Variants in LINGO2 observed in about 807,000 individuals in gnomAD.
LINGO2 encodes the protein leucine-rich repeat and immunoglobulin-like domain-containing nogo receptor-interacting protein 2.
LINGO2 carries 14 observed loss-of-function variants against 30.6 expected under a neutral mutation model. The observed-to-expected ratio is 0.46, with a 90% CI of 0.30 to 0.72. The LOEUF (loss-of-function observed/expected upper bound fraction) is 0.72. Among genes scored for constraint, LINGO2 ranks in the 30% least tolerant of loss-of-function variants. LINGO2 has a pLI of 0.07. For missense variants in LINGO2, 729 were observed against 751.7 expected (o/e 0.97, Z 0.35); for synonymous variants, 317 against 288.5 (o/e 1.10, Z -1.00).
chr9:28,951,878 G>A, the LINGO2 span, among the ~76,000 whole-genome samples: 18 of 152,148 alleles, frequency 1.2e-4, no homozygotes, highest in Admixed American at 1.0e-3. Context: ...CAACAAGTAT[G>A]GGACAAAGGA....
intron 5 of LINGO2, among the ~76,000 whole-genome samples, chr9:28,010,012 C>T (rs887992692): frequency 2.0e-5 from 3 of 152,038 alleles, no homozygotes; most frequent in Admixed American, 6.6e-5. Flanking sequence ...ATGTGTTATC[C>T]GTATCTATGC....
chr9:28,816,309 C>A, the LINGO2 span, among the ~76,000 whole-genome samples: 8 of 152,310 alleles, frequency 5.3e-5, no homozygotes, highest in South Asian at 6.2e-4. Flanking sequence ...TTTCTCTGAG[C>A]AATTTTGCCA....
the LINGO2 span, among the ~76,000 whole-genome samples, chr9:28,937,013 A>C: frequency 1.3e-5 from 2 of 152,118 alleles, no homozygotes; most frequent in Non-Finnish European, 2.9e-5. Flanking sequence ...GGACACCAGC[A>C]GTATTGGATT....
intron 2 of LINGO2, among the ~76,000 whole-genome samples, chr9:28,430,431 T>C (rs1007533955): frequency 2.6e-5 from 4 of 152,172 alleles, no homozygotes; most frequent in African/African-American, 4.8e-5. Flanking sequence ...ATTGACAAAA[T>C]ACACCATACT....
At chr9:28,853,186 G>T in the LINGO2 span, among the ~76,000 whole-genome samples, 1 of 152,024 alleles carries the variant, frequency 6.6e-6, no homozygotes, top group Non-Finnish European at 1.5e-5. Flanking sequence ...TTGTGCATTG[G>T]ATAATGCAGA....
chr9:28,933,208 A>G, the LINGO2 span, among the ~76,000 whole-genome samples: 2 of 152,108 alleles, frequency 1.3e-5, no homozygotes, highest in African/African-American at 4.8e-5. Flanking sequence ...TGCCCAGCCT[A>G]CTTATCTCAT....
chr9:28,561,596 TATA>T (rs577864267), intron 1 of LINGO2, among the ~76,000 whole-genome samples: 35 of 132,982 alleles, frequency 2.6e-4, no homozygotes, highest in Middle Eastern at 4.2e-3. Flanking sequence ...ATATATTATA[TATA>T]AATGTATTAT....
At chr9:28,687,271 CT>C in the LINGO2 span, among the ~76,000 whole-genome samples, 1 of 152,014 alleles carries the variant, frequency 6.6e-6, no homozygotes, top group Admixed American at 6.5e-5. Flanking sequence ...TCTTGATATT[CT>C]TGAATATAGT....
At chr9:28,855,041 A>C in the LINGO2 span, among the ~76,000 whole-genome samples, 1 of 152,130 alleles carries the variant, frequency 6.6e-6, no homozygotes, top group East Asian at 1.9e-4. Flanking sequence ...GAATGATATA[A>C]ACCCACCTTT....
chr9:28,982,642 A>C, the LINGO2 span, among the ~76,000 whole-genome samples: 5 of 152,064 alleles, frequency 3.3e-5, no homozygotes, highest in African/African-American at 7.2e-5. Context: ...AAATTTTTCT[A>C]AAGCTTTCAC....
chr9:28,525,968 A>C (rs1821012577), intron 1 of LINGO2, among the ~76,000 whole-genome samples: 1 of 146,706 alleles, frequency 6.8e-6, no homozygotes, highest in Non-Finnish European at 1.5e-5. Context: ...AGGCAGAAGA[A>C]TGGCATGAAC....
chr9:28,303,304 T>C (rs1587425185), intron 3 of LINGO2, among the ~76,000 whole-genome samples: 1 of 152,174 alleles, frequency 6.6e-6, no homozygotes, highest in East Asian at 1.9e-4. Context: ...AAGTTGTTGC[T>C]GAGGATAATC....
chr9:28,037,958 G>A (rs1308650361), intron 4 of LINGO2, among the ~76,000 whole-genome samples: 1 of 152,160 alleles, frequency 6.6e-6, no homozygotes, highest in Non-Finnish European at 1.5e-5. Context: ...AGGAAGCTGA[G>A]GCATAAAGAG....
chr9:28,863,481 CTA>C, the LINGO2 span: 1 of 353,114 alleles, frequency 2.8e-6, no homozygotes, highest in South Asian at 2.1e-5. Flanking sequence ...ACTGTTAACA[CTA>C]AGCACCAAAT....
chr9:28,688,102 C>A, the LINGO2 span, among the ~76,000 whole-genome samples: 3 of 152,292 alleles, frequency 2.0e-5, no homozygotes, highest in South Asian at 6.2e-4. Context: ...CCCCTATTTA[C>A]ACATATGATA....
intron 4 of LINGO2, among the ~76,000 whole-genome samples, chr9:28,285,337 A>T (rs1234935109): frequency 6.6e-6 from 1 of 151,330 alleles, no homozygotes; most frequent in Non-Finnish European, 1.5e-5. Context: ...TTGGGTCACT[A>T]CCAATATCTC....
the LINGO2 span, among the ~76,000 whole-genome samples, chr9:29,094,502 T>A: frequency 7.2e-6 from 1 of 138,420 alleles, no homozygotes; most frequent in East Asian, 2.5e-4. Context: ...CAAAGAAAAA[T>A]TATGTGGGTG....
chr9:28,517,173 C>T (rs10968633), intron 1 of LINGO2, among the ~76,000 whole-genome samples: 28,160 of 152,044 alleles, frequency 0.19, 2,665 homozygotes, highest in East Asian at 0.34. Flanking sequence ...AAAGGTCTTT[C>T]TTACAGACAA....
chr9:27,985,181 C>A (rs1474763854), intron 5 of LINGO2, among the ~76,000 whole-genome samples: 2 of 151,904 alleles, frequency 1.3e-5, no homozygotes, highest in African/African-American at 4.8e-5. Context: ...CTCTTCACAA[C>A]ATGAGTGTCA....
Sources: allele counts gnomAD v4.1 joint callset (sites outside exome capture counted in the v4.1 genomes callset), GRCh38; gene constraint gnomAD v4.1.1; transcripts MANE v1.5; gene names NCBI Gene and HGNC (gene_info 2026-07-23, HGNC 2026-07-21).